SFPQ: variants seen among roughly 807,000 people sequenced by gnomAD.
SFPQ encodes the protein splicing factor proline and glutamine rich.
Under a neutral mutation model 72.9 loss-of-function variants are expected in SFPQ, and 11 were observed. That is an observed-to-expected ratio of 0.15 (90% CI 0.09 to 0.25). The LOEUF (loss-of-function observed/expected upper bound fraction) is 0.25, where lower values mean the gene tolerates loss of function less well. Ranked by LOEUF, SFPQ falls within the 10% of genes least tolerant of loss-of-function variation. The pLI is 1.00. For missense variants in SFPQ, 847 were observed against 993.3 expected, an observed-to-expected ratio of 0.85 and a Z score of 1.98; for synonymous variants, 506 against 367.3, an observed-to-expected ratio of 1.38 and a Z score of -4.32.
Position 35,192,257 on chromosome 1 carries a change from CGG to C in SFPQ, c.791_792del (p.Pro264ArgfsTer15). 6.8e-7 allele frequency: 1 copy of C among 1,463,126 alleles called. No individual in the cohort carries two copies. The highest frequency in any genetic ancestry group is 1.3e-5 in the South Asian group (1 of 76,912). 90.6% of individuals were successfully genotyped at this position (1,463,126 alleles called of 1,614,324 possible). ...GAGATCTTCTCCTCGCTGCGGCCGC[CGG>C]GCCCGCCGGGCGGGGGCCCCTGGTG... is the stretch of plus-strand genomic sequence containing the variant. ...QHHQGPPPGG[P>X]GGRSEEKISD... On this transcript the variant is annotated frameshift_variant, in exon 1 of 10. Transcript: ENST00000357214. LOFTEE classifies it high-confidence loss of function.
In SFPQ at chr1:35,184,176, T is replaced by C; in HGVS notation, c.*280A>G. ...AGTAAAAAAAAAAAAATTGGTACACTTTGGAAATTCAGTGGCACAAGGTAC... is the reference window on the plus strand; with the variant it reads ...AGTAAAAAAAAAAAAATTGGTACACCTTGGAAATTCAGTGGCACAAGGTAC... On this transcript the variant is annotated 3_prime_UTR_variant, in exon 10 of 10. Transcript: ENST00000357214. 5.1e-6 allele frequency: 6 copies of C among 1,169,668 alleles called. No homozygotes were observed. Among genetic ancestry groups the C allele is most frequent in the Non-Finnish European group, 6.3e-6 (6 of 949,388 alleles). 72.5% of individuals were successfully genotyped at this position (1,169,668 alleles called of 1,614,324 possible).
In SFPQ at chr1:35,191,606, C is replaced by A. The variant is rs935344562; in HGVS notation, c.829-77G>T. On this transcript the variant is annotated intron_variant, in intron 1 of 9. Coordinates refer to ENST00000357214, the MANE Select transcript of SFPQ (RefSeq NM_005066.3). ...AATCCCCAAGATAGTATTTGCTTAT[C>A]TGAAACCTATCAGTTGCCTTTCTGT... 1.9e-5 allele frequency: 22 copies of A among 1,153,432 alleles called. No individual in the cohort carries two copies. The African/African-American group carries it at 3.0e-4, about 15-fold the overall frequency. The allele number at this position is 1,153,432 out of a possible 1,614,324, so 71.4% of individuals were successfully genotyped here. A position where few individuals can be genotyped will look rare whatever the true frequency, so the allele number is the denominator to read the frequency against.
rs77260199 is a variant in SFPQ at position 35,187,311 on chromosome 1, G to C, written c.1816-60C>G. 5.1e-4 allele frequency: 738 copies of C among 1,449,784 alleles called. 13 individuals carry two copies. In the East Asian group the frequency reaches 0.017, roughly 33 times the overall value. 89.8% of individuals were successfully genotyped at this position (1,449,784 alleles called of 1,614,324 possible). A position where few individuals can be genotyped will look rare whatever the true frequency, so the allele number is the denominator to read the frequency against. On this transcript the variant is annotated intron_variant, in intron 7 of 9. Coordinates refer to ENST00000357214, the MANE Select transcript of SFPQ (RefSeq NM_005066.3). ...CTATACCCACAGCAAGCATTCTTAAGAACTGAGAAATTTTCAAGAGTTAAA... is the reference window on the plus strand; with the variant it reads ...CTATACCCACAGCAAGCATTCTTAACAACTGAGAAATTTTCAAGAGTTAAA...
rs945093341 is a variant in SFPQ at position 35,192,214 on chromosome 1, A to G, written c.828+8T>C. On this transcript the variant is annotated splice_region_variant and intron_variant, in intron 1 of 9. Coordinates refer to ENST00000357214, the MANE Select transcript of SFPQ (RefSeq NM_005066.3). ...GGGAGCCGACGCGTCGCTCCCATAG[A>G]CACTCACCTCCGAGTCCGAGATCTT... 8 of 1,450,572 alleles carry G rather than the reference A, an allele frequency of 5.5e-6. No individual in the cohort carries two copies. The African/African-American group carries it at 1.2e-4, about 22-fold the overall frequency. The allele number at this position is 1,450,572 out of a possible 1,614,324, so 89.9% of individuals were successfully genotyped here.
chr1:35,179,932 T>C (rs1017254444), downstream of SFPQ: 3 of 1,054,728 alleles, frequency 2.8e-6, no homozygotes, highest in East Asian at 1.1e-4. Flanking sequence ...ATGTCACTAA[T>C]ATTGAGCATT....
At chr1:35,178,923 T>G (rs1639357377), downstream of SFPQ, 27 of 1,053,714 alleles carry the variant, frequency 2.6e-5, no homozygotes, top group Non-Finnish European at 3.1e-5. Context: ...GCACTGGTGT[T>G]CAAAAGCAAC....
chr1:35,177,443 C>T (rs1172730898), intron 4 of SFPQ: 2 of 152,162 alleles, frequency 1.3e-5, no homozygotes, highest in Non-Finnish European at 2.9e-5. Context: ...CCTCAACCTC[C>T]CAGGATCAAG....
At chr1:35,186,027 T>C (rs1639697763) in intron 9 of SFPQ, among the ~76,000 whole-genome samples, 1 of 152,220 alleles carries the variant, frequency 6.6e-6, no homozygotes, top group Non-Finnish European at 1.5e-5. Context: ...GCCCATAGTA[T>C]TACATTTTAC....
intron 9 of SFPQ, among the ~76,000 whole-genome samples, chr1:35,185,575 G>A (rs749893874): frequency 6.6e-6 from 1 of 152,130 alleles, no homozygotes; most frequent in Non-Finnish European, 1.5e-5. Flanking sequence ...AAACACAGCA[G>A]CCTACACTTT....
At position 35,193,057 on chromosome 1, in the gene SFPQ, G is replaced by A. The variant is rs1462931705; in HGVS notation, c.-8C>T. Reference sequence around the variant, plus strand: ...GAACCGATCCCGAGACATGTCTGTGGTCAAGGGGCGGTCGAGGCAAAAGCG... The same window carrying A: ...GAACCGATCCCGAGACATGTCTGTGATCAAGGGGCGGTCGAGGCAAAAGCG... On this transcript the variant is annotated 5_prime_UTR_variant, in exon 1 of 10. Coordinates refer to ENST00000357214, the MANE Select transcript of SFPQ (RefSeq NM_005066.3). 6.4e-7 allele frequency: 1 copy of A among 1,554,310 alleles called. No homozygotes were observed. The highest frequency in any genetic ancestry group is 1.4e-5 in the African/African-American group (1 of 70,980).
rs1201740903 is a variant in SFPQ at position 35,192,777 on chromosome 1, T to C, written c.273A>G (p.Pro91=). ...QPPPHQPPPH[P]QPHQQQQPPP... ...GCGGCTGCTGCTGCTGATGCGGCTG[T>C]GGATGCGGCGGCGGCTGATGCGGTG... The change falls in exon 1 of 10, where the codon CCA becomes CCG. Residue 91 remains proline, a synonymous_variant. Transcript: ENST00000357214. The C allele has an allele frequency of 1.3e-6, 2 of 1,502,538 alleles. No individual in the cohort carries two copies. The highest frequency in any genetic ancestry group is 2.2e-5 in the Admixed American group (1 of 46,468). The allele number at this position is 1,502,538 out of a possible 1,614,324, so 93.1% of individuals were successfully genotyped here. A position where few individuals can be genotyped will look rare whatever the true frequency, so the allele number is the denominator to read the frequency against.
In SFPQ at chr1:35,184,351, A is replaced by T; in HGVS notation, c.*105T>A. On this transcript the variant is annotated 3_prime_UTR_variant, in exon 10 of 10. Transcript: ENST00000357214. ...ACAAATATTAGGTCAATAAACTGCT[A>T]ACATCCATAAAAAGATAGCTTTCTT... 1 of 1,554,362 alleles carries T rather than the reference A, an allele frequency of 6.4e-7. No individual in the cohort carries two copies. Among genetic ancestry groups the T allele is most frequent in the African/African-American group, 1.4e-5 (1 of 71,272 alleles).
downstream of SFPQ, chr1:35,178,422 C>CT (rs1472222657): frequency 1.9e-6 from 2 of 1,064,178 alleles, no homozygotes; most frequent in Non-Finnish European, 2.3e-6. Context: ...ACATACCCTG[C>CT]TCCCCATTCA....
chr1:35,182,305 C>T (rs1639502516), downstream of SFPQ: 2 of 985,272 alleles, frequency 2.0e-6, no homozygotes, highest in Non-Finnish European at 2.4e-6. Context: ...ACCCTTGTTT[C>T]CGTACAGAAA....
In SFPQ at chr1:35,191,436, T is replaced by A; in HGVS notation, c.922A>T (p.Ile308Phe). 6.2e-7 allele frequency: 1 copy of A among 1,614,152 alleles called. No homozygotes were observed. Among genetic ancestry groups the A allele is most frequent in the Non-Finnish European group, 8.5e-7 (1 of 1,179,962 alleles). ...RLFVGNLPAD[I>F]TEDEFKRLFA... ...AGTCTTTTGAATTCATCCTCCGTGA[T>A]ATCAGCAGGTAGATTCCCAACAAAC... The change falls in exon 2 of 10, where the codon ATC becomes TTC. Residue 308 changes from isoleucine (I) to phenylalanine (F), a missense_variant. This residue lies in a region of SFPQ where 35 missense variants were observed against 52.9 expected (regional missense o/e 0.66). Transcript: ENST00000357214.
chr1:35,176,406 A>C (rs1292275913), exon 6 of SFPQ: 1 of 152,162 alleles, frequency 6.6e-6, no homozygotes, highest in Non-Finnish European at 1.5e-5. Context: ...TTTATTAACG[A>C]GAATGAAACG....
chr1:35,179,589 C>T, downstream of SFPQ: 2 of 1,052,872 alleles, frequency 1.9e-6, no homozygotes, highest in Non-Finnish European at 2.3e-6. Context: ...AAACCCACTG[C>T]ACTAAGATTC....
intron 4 of SFPQ, among the ~76,000 whole-genome samples, chr1:35,190,213 T>C (rs1259180776): frequency 6.6e-6 from 1 of 152,186 alleles, no homozygotes; most frequent in African/African-American, 2.4e-5. Context: ...AGAGCTGAGG[T>C]CATGCCACTG....
chr1:35,188,471 T>C lies in SFPQ; in HGVS notation c.1698-381A>G, dbSNP rs186849063. The stretch of plus-strand genomic sequence containing the variant: ...TCAGTACTTTAGGAGGCCAGGAGTT[T>C]GACACCAGCCTAGGCAATATAGGAA... On this transcript the variant is annotated intron_variant, in intron 6 of 9. Transcript: ENST00000357214. 2.6e-5 allele frequency among the ~76,000 whole-genome samples: 4 copies of C among 152,190 alleles called. No individual in the cohort carries two copies. In the East Asian group the frequency reaches 7.7e-4, roughly 29 times the overall value.
Sources: gnomAD v4.1 joint callset for allele counts (sites outside exome capture counted in the v4.1 genomes callset) on GRCh38, gnomAD v4.1.1 for gene constraint, gnomAD v4.1.1 regional missense constraint, MANE v1.5 for transcripts, NCBI Gene and HGNC (gene_info 2026-07-23, HGNC 2026-07-21) for gene names.